The following PRKD2 variants were observed in gnomAD, a reference collection of about 807,000 sequenced individuals.
PRKD2 encodes serine/threonine-protein kinase D2.
PRKD2 carries 22 observed loss-of-function variants against 86.0 expected under a neutral mutation model. That is an observed-to-expected ratio of 0.26 (90% confidence interval 0.18 to 0.37). PRKD2 has a LOEUF of 0.37. Ranked by LOEUF, PRKD2 falls within the 10% of genes least tolerant of loss-of-function variation. PRKD2 has a pLI of 1.00. For missense variants in PRKD2, 818 were observed against 1,199.2 expected (o/e 0.68, Z 4.70); for synonymous variants, 509 against 510.9 (o/e 1.00, Z 0.05).
intron 2 of PRKD2, 52 bp downstream of exon 2, chr19:46,713,811 A>T: frequency 2.4e-6 from 2 of 825,558 alleles, no homozygotes; most frequent in Non-Finnish European, 3.5e-6. Context: ...CCTCCCCCAG[A>T]TGCCCCGCCC....
chr19:46,704,660 C>T lies in PRKD2; in HGVS notation c.512-11G>A. 1.3e-6 allele frequency: 2 copies of T among 1,593,706 alleles called. No homozygotes were observed. Among genetic ancestry groups the T allele is most frequent in the South Asian group, 1.1e-5 (1 of 88,376 alleles). ...AGTTCAGCCCGCAGCCTGCAGGGGG[C>T]GCCAGAGAGTAAGAGACATGGCGTC... On this transcript the variant is annotated splice_polypyrimidine_tract_variant and intron_variant, in intron 3 of 17. Transcript: ENST00000291281.
chr19:46,691,745 C>G lies in PRKD2; in HGVS notation c.1692G>C (p.Val564=). The G allele has an allele frequency of 6.2e-7, 1 of 1,612,564 alleles. No individual in the cohort carries two copies. The highest frequency in any genetic ancestry group is 8.5e-7 in the Non-Finnish European group (1 of 1,179,968). Residue 564 remains valine, a synonymous_variant, in exon 12 of 18, where the codon GTG becomes GTC. Transcript: ENST00000291281. ...CTGAAGTGTCCTCACCTCCATAGAC[C>G]ACTCCAAACTGCCCTGAGCCCAGCA... is the stretch of plus-strand genomic sequence containing the variant. ...DEVLGSGQFG[V]VYGGKHRKTG...
chr19:46,692,466 C>A (rs1238752910), intron 10 of PRKD2, among the ~76,000 whole-genome samples: 1 of 152,038 alleles, frequency 6.6e-6, no homozygotes, highest in Admixed American at 6.6e-5. Flanking sequence ...CCAGTCTAGG[C>A]CCCTGCTCGC....
rs1165302976 is a variant in PRKD2 at position 46,704,515 on chromosome 19, G to T, written c.646C>A (p.Pro216Thr). Residue 216 changes from proline (P) to threonine (T), a missense_variant, in exon 4 of 18, where the codon CCC (proline) becomes ACC (threonine). By Grantham distance (38) the Pro-to-Thr change is conservative. This residue lies in a region of PRKD2 where 403 missense variants were observed against 518.6 expected (regional missense o/e 0.78). Coordinates refer to ENST00000291281, the MANE Select transcript of PRKD2 (RefSeq NM_016457.5). ...SVRLGTSESLPCTAEELSRST... is the reference protein window; with the variant it reads ...SVRLGTSESLTCTAEELSRST... ...CTCACCAGCTCTTCAGCCGTGCAGG[G>T]CAGGGACTCGGAGGTGCCGAGGCGC... 1 of 1,614,048 alleles carries T rather than the reference G, an allele frequency of 6.2e-7. No homozygotes were observed. The highest frequency in any genetic ancestry group is 1.3e-5 in the African/African-American group (1 of 74,926).
intron 3 of PRKD2, among the ~76,000 whole-genome samples, chr19:46,708,609 C>A (rs868545928): frequency 1.3e-5 from 2 of 152,076 alleles, no homozygotes; most frequent in African/African-American, 2.4e-5. Flanking sequence ...CCATGCCTGG[C>A]CTTCCTTATA....
Position 46,674,347 on chromosome 19 carries a change from A to T in PRKD2, c.*176T>A, listed in dbSNP as rs748494655. 7 of 644,424 alleles carry T rather than the reference A, an allele frequency of 1.1e-5. No homozygotes were observed. The highest frequency in any genetic ancestry group is 1.8e-5 in the Non-Finnish European group (7 of 380,372). 39.9% of individuals were successfully genotyped at this position (644,424 alleles called of 1,614,324 possible). ...GATCAAGGCCATGGGGCCAGAGATG[A>T]GTCCGTTTTAATTGCTGGGGAAACA... On this transcript the variant is annotated 3_prime_UTR_variant, in exon 18 of 18. Coordinates refer to ENST00000291281, the MANE Select transcript of PRKD2 (RefSeq NM_016457.5).
intron 14 of PRKD2, among the ~76,000 whole-genome samples, chr19:46,684,030 A>AGAGTG (rs10659590): frequency 0.77 from 116,572 of 151,396 alleles, 45,307 homozygotes; most frequent in African/African-American, 0.89. Context: ...ACCAGAAGCA[A>AGAGTG]TTGTACAACT....
rs1192202092 is a variant in PRKD2, at chr19:46,714,281, AT to A, written c.241-281del. The A allele has an allele frequency of 3.4e-6, 4 of 1,192,402 alleles. No individual in the cohort carries two copies. The Admixed American group carries it at 1.2e-4, about 35-fold the overall frequency. 73.9% of individuals were successfully genotyped at this position (1,192,402 alleles called of 1,614,324 possible). ...GGCTCCGGGAGCGTGGACACCTCGA[AT>A]TTTCCGGAACCTGGCGGAGGTGGGA... is the stretch of plus-strand genomic sequence containing the variant. On this transcript the variant is annotated intron_variant, in intron 1 of 17. Transcript: ENST00000291281.
intron 1 of PRKD2, chr19:46,714,377 C>T: frequency 1.1e-6 from 1 of 918,462 alleles, no homozygotes; most frequent in Non-Finnish European, 1.3e-6. Context: ...CCCCAGCTTC[C>T]TTCCTGGATC....
intron 9 of PRKD2, among the ~76,000 whole-genome samples, chr19:46,696,433 C>T (rs181938305): frequency 1.3e-3 from 203 of 152,086 alleles, no homozygotes; most frequent in African/African-American, 4.2e-3. Context: ...GAGGTGGTGA[C>T]GAATACGCAC....
intron 7 of PRKD2, 128 bp from the exon 8 acceptor site, chr19:46,697,978 A>C: frequency 4.0e-6 from 3 of 745,244 alleles, no homozygotes; most frequent in South Asian, 1.6e-5. Context: ...TTGTTTTGAC[A>C]TTTTCCCCCC....
chr19:46,678,541 C>T lies in PRKD2; in HGVS notation c.2193G>A (p.Ser731=), dbSNP rs201854545. The change falls in exon 16 of 18, where the codon TCG becomes TCA. Residue 731 remains serine (S), a synonymous_variant. Transcript: ENST00000291281. This position sits in a 1 kb window ranked among gnomAD's most constrained non-coding sequence, Gnocchi z 5.7. ...EVLLNQGYNR[S]LDMWSVGVIM... is the part of the protein sequence containing the mutation. ...TCACGCCCACTGACCACATGTCCAG[C>T]GAGCGGTTGTAGCCCTGGTTGAGCA... is the stretch of plus-strand genomic sequence containing the variant. The T allele has an allele frequency of 5.0e-5, 80 of 1,614,198 alleles. 1 individual carries two copies. The East Asian group carries it at 1.2e-3, about 25-fold the overall frequency.
At chr19:46,700,985 C>T (rs1374153781) in intron 6 of PRKD2, 33 bp from the exon 7 acceptor site, 1 of 1,614,248 alleles carries the variant, frequency 6.2e-7, no homozygotes, top group Non-Finnish European at 8.5e-7. Flanking sequence ...GGGGTCTCCA[C>T]CCAGTCCTGC....
rs2053509585 is a variant in PRKD2 at position 46,693,352 on chromosome 19, C to T, written c.1576+523G>A. On this transcript the variant is annotated intron_variant, in intron 10 of 17. Coordinates refer to ENST00000291281, the MANE Select transcript of PRKD2 (RefSeq NM_016457.5). This position sits in a 1 kb window ranked among gnomAD's most constrained non-coding sequence, Gnocchi z 4.5. ...CAGTAAGTGCATGAGGACTTATCAGCACCTGGGACAAGGCTCATGGAGGGG... is the reference window on the plus strand; with the variant it reads ...CAGTAAGTGCATGAGGACTTATCAGTACCTGGGACAAGGCTCATGGAGGGG... Among the ~76,000 whole-genome samples the T allele has an allele frequency of 6.6e-6, 1 of 152,222 alleles. No individual in the cohort carries two copies. The highest frequency in any genetic ancestry group is 1.5e-5 in the Non-Finnish European group (1 of 68,040).
intron 9 of PRKD2, 25 bp downstream of exon 9, chr19:46,697,132 G>A (rs772810969): frequency 1.3e-6 from 2 of 1,529,444 alleles, no homozygotes; most frequent in African/African-American, 2.7e-5. Context: ...GGAAGTCCGA[G>A]GGAGCTGAAA....
intron 9 of PRKD2, among the ~76,000 whole-genome samples, chr19:46,696,122 A>AGCC (rs1221108654): frequency 6.6e-6 from 1 of 152,174 alleles, no homozygotes; most frequent in Non-Finnish European, 1.5e-5. Context: ...TACAGGCGTG[A>AGCC]GCCACCACGC....
rs747634821 is a variant in PRKD2 at position 46,716,371 on chromosome 19, G to T, written c.-1C>A. 4.3e-6 allele frequency: 6 copies of T among 1,411,536 alleles called. No individual in the cohort carries two copies. The African/African-American group carries it at 7.6e-5, about 18-fold the overall frequency. The allele number at this position is 1,411,536 out of a possible 1,614,324, so 87.4% of individuals were successfully genotyped here. ...CGGGATAAGAGGGGGCGGTGGCCAT[G>T]GGGGGAGGCCGGGGACCGGCCGCCT... is the stretch of plus-strand genomic sequence containing the variant. On this transcript the variant is annotated 5_prime_UTR_variant, in exon 1 of 18. Coordinates refer to ENST00000291281, the MANE Select transcript of PRKD2 (RefSeq NM_016457.5). The surrounding 1 kb of genome is among the most constrained non-coding windows in gnomAD (Gnocchi z 7.9).
chr19:46,687,079 C>G (rs2053410536), intron 14 of PRKD2, among the ~76,000 whole-genome samples: 1 of 151,900 alleles, frequency 6.6e-6, no homozygotes, highest in Non-Finnish European at 1.5e-5. Context: ...TGCACCTCCA[C>G]CAAAAAAAAA....
At chr19:46,704,715 T>A in intron 3 of PRKD2, 66 bp from the exon 4 acceptor site, 1 of 1,526,012 alleles carries the variant, frequency 6.6e-7, no homozygotes, top group Non-Finnish European at 8.8e-7. Flanking sequence ...CTTGAGAAGT[T>A]GTGCCCTTTC....
Sources: gnomAD v4.1 joint callset for allele counts (sites outside exome capture counted in the v4.1 genomes callset) on GRCh38, gnomAD v4.1.1 for gene constraint, gnomAD v4.1.1 regional missense constraint, Gnocchi (gnomAD v3.1) non-coding constraint, MANE v1.5 for transcripts, NCBI Gene and HGNC (gene_info 2026-07-23, HGNC 2026-07-21) for gene names.